Variants in ARMC8 observed in about 807,000 individuals in gnomAD.
ARMC8 encodes the protein armadillo repeat-containing protein 8.
In ARMC8, 20 loss-of-function variants were observed where a neutral mutation model predicts 99.3. That is an observed-to-expected ratio of 0.20 (90% CI 0.14 to 0.29). The LOEUF is 0.29. ARMC8 is among the 10% of genes least tolerant of loss of function. The pLI is 1.00. For synonymous variants in ARMC8, 263 were observed against 278.3 expected (o/e 0.95, Z 0.55); for missense variants, 569 against 809.5 (o/e 0.70, Z 3.60).
Position 138,255,211 on chromosome 3 carries a change from T to G in ARMC8, c.1135-8528T>G, listed in dbSNP as rs867246283. On this transcript the variant is annotated intron_variant, in intron 12 of 21. Coordinates refer to ENST00000469044, the MANE Select transcript of ARMC8 (RefSeq NM_001363941.2). ...GTTCTGTTTTTTTTTTTTTTGTTTT[T>G]TTTTTTTTTGAGATGGAGTCTCGCT... 8.4e-3 allele frequency among the ~76,000 whole-genome samples: 1,241 copies of G among 147,830 alleles called. 10 individuals are homozygous for G. The highest frequency in any genetic ancestry group is 0.023 in the African/African-American group (936 of 40,128).
Position 138,187,455 on chromosome 3 carries a change from C to G in ARMC8, c.-100C>G. The G allele has an allele frequency of 7.9e-7, 1 of 1,273,618 alleles. No individual in the cohort carries two copies. Among genetic ancestry groups the G allele is most frequent in the South Asian group, 1.3e-5 (1 of 77,060 alleles). 78.9% of individuals were successfully genotyped at this position (1,273,618 alleles called of 1,614,324 possible). ...GCGTGGCCAGTTCTCGTCTATCTGG[C>G]TGCCTTTAGGGAGCGGTGCCTAGCG... On this transcript the variant is annotated 5_prime_UTR_variant, in exon 1 of 22. Coordinates refer to ENST00000469044, the MANE Select transcript of ARMC8 (RefSeq NM_001363941.2).
At chr3:138,190,992 TGAA>T (rs2043349817) in intron 1 of ARMC8, among the ~76,000 whole-genome samples, 1 of 152,228 alleles carries the variant, frequency 6.6e-6, no homozygotes, top group Middle Eastern at 3.2e-3. Flanking sequence ...AAGGTTTCCC[TGAA>T]GAAGTGATGC....
At chr3:138,232,671 T>C (rs1333961629) in intron 6 of ARMC8, among the ~76,000 whole-genome samples, 1 of 152,242 alleles carries the variant, frequency 6.6e-6, no homozygotes, top group African/African-American at 2.4e-5. Flanking sequence ...TGTGCTGATA[T>C]GGATGATCTC....
At chr3:138,195,226 C>T (rs930497937) in intron 1 of ARMC8, among the ~76,000 whole-genome samples, 2 of 149,312 alleles carry the variant, frequency 1.3e-5, no homozygotes, top group East Asian at 2.0e-4. Flanking sequence ...TGCAGTGAGC[C>T]GAGATTGCGC....
intron 5 of ARMC8, among the ~76,000 whole-genome samples, chr3:138,224,478 A>G (rs1477915155): frequency 2.0e-5 from 3 of 152,120 alleles, no homozygotes; most frequent in South Asian, 4.1e-4. Context: ...CGCTGGGTAC[A>G]GTGGCTCACG....
At chr3:138,286,894 G>C (rs2050480347) in intron 19 of ARMC8, among the ~76,000 whole-genome samples, 1 of 152,180 alleles carries the variant, frequency 6.6e-6, no homozygotes, top group African/African-American at 2.4e-5. Context: ...CCATGTGGCT[G>C]TCTGATAGCA....
chr3:138,232,523 C>T (rs756052308), intron 6 of ARMC8, among the ~76,000 whole-genome samples: 1 of 152,094 alleles, frequency 6.6e-6, no homozygotes, highest in Non-Finnish European at 1.5e-5. Flanking sequence ...AAAAAAGTTA[C>T]AAGCACATGG....
chr3:138,263,656 G>A, intron 12 of ARMC8, 83 bp from the exon 13 acceptor site: 2 of 1,172,164 alleles, frequency 1.7e-6, no homozygotes, highest in Non-Finnish European at 1.3e-6. Context: ...ACTTTTAATG[G>A]ATGTTAACAT....
chr3:138,217,705 C>T (rs1478561412), intron 2 of ARMC8, among the ~76,000 whole-genome samples: 1 of 152,162 alleles, frequency 6.6e-6, no homozygotes, highest in Non-Finnish European at 1.5e-5. Context: ...ATGTTTGTAA[C>T]ATCTTAATAT....
At chr3:138,279,717 T>C (rs977927867) in intron 18 of ARMC8, among the ~76,000 whole-genome samples, 8 of 152,242 alleles carry the variant, frequency 5.3e-5, no homozygotes, top group African/African-American at 1.9e-4. Context: ...GATTTTTTAA[T>C]AGAAATAGGA....
chr3:138,202,703 A>G (rs1315044732), intron 1 of ARMC8, among the ~76,000 whole-genome samples: 3 of 152,212 alleles, frequency 2.0e-5, no homozygotes, highest in Non-Finnish European at 4.4e-5. Context: ...AAGTCTTCAA[A>G]TGCCAAATTA....
At position 138,298,095 on chromosome 3, in the gene ARMC8, T is replaced by C. The variant is rs1314407737; in HGVS notation, c.*2203T>C. 1 of 152,268 alleles carries C rather than the reference T, an allele frequency of 6.6e-6. No homozygotes were observed. The highest frequency in any genetic ancestry group is 1.5e-5 in the Non-Finnish European group (1 of 68,042). The allele number at this position is 152,268 out of a possible 1,614,324, so 9.4% of individuals were successfully genotyped here. On this transcript the variant is annotated 3_prime_UTR_variant, in exon 22 of 22. Transcript: ENST00000469044. ...TGAAACAAAGCTGTTTGCTGCTTTA[T>C]GCAGGTGCAGTGTTCAGTCAGCAAG...
At chr3:138,244,308 C>T (rs2046776600) in intron 11 of ARMC8, among the ~76,000 whole-genome samples, 1 of 151,978 alleles carries the variant, frequency 6.6e-6, no homozygotes. Flanking sequence ...GATGTAGTCT[C>T]GCTCTGTTGC....
At position 138,263,930 on chromosome 3, in the gene ARMC8, T is replaced by A; in HGVS notation, c.1217+109T>A. On this transcript the variant is annotated intron_variant, in intron 13 of 21. Coordinates refer to ENST00000469044, the MANE Select transcript of ARMC8 (RefSeq NM_001363941.2). ...AGACTACAAATGTTCCTCAAAAATC[T>A]GCTCAGGTGAATTCATAGAGTATAT... 3.6e-6 allele frequency: 4 copies of A among 1,123,902 alleles called. No homozygotes were observed. The South Asian group carries it at 5.0e-5, about 14-fold the overall frequency. 69.6% of individuals were successfully genotyped at this position (1,123,902 alleles called of 1,614,324 possible).
chr3:138,255,511 C>G (rs2047355641), intron 12 of ARMC8, among the ~76,000 whole-genome samples: 1 of 151,732 alleles, frequency 6.6e-6, no homozygotes, highest in South Asian at 2.1e-4. Context: ...CAACATTTTT[C>G]TGTTGACTCA....
At chr3:138,291,081 A>AT (rs1214534016) in intron 21 of ARMC8, among the ~76,000 whole-genome samples, 1 of 152,206 alleles carries the variant, frequency 6.6e-6, no homozygotes, top group Admixed American at 6.5e-5. Flanking sequence ...AGAGCTCATC[A>AT]TTTCCTGGTA....
chr3:138,295,994 A>T lies in ARMC8; in HGVS notation c.*102A>T. On this transcript the variant is annotated 3_prime_UTR_variant, in exon 22 of 22. Transcript: ENST00000469044. Reference sequence around the variant, plus strand: ...CTTCTATTTGCACAAGTCACCTTGGACTGCAGGGAGCTGTTTTGCAAAAGC... The same window carrying T: ...CTTCTATTTGCACAAGTCACCTTGGTCTGCAGGGAGCTGTTTTGCAAAAGC... 1.5e-6 allele frequency: 2 copies of T among 1,297,742 alleles called. No homozygotes were observed. Among genetic ancestry groups the T allele is most frequent in the Non-Finnish European group, 2.1e-6 (2 of 932,646 alleles). The allele number at this position is 1,297,742 out of a possible 1,614,324, so 80.4% of individuals were successfully genotyped here. A position where few individuals can be genotyped will look rare whatever the true frequency, so the allele number is the denominator to read the frequency against.
At chr3:138,246,051 G>C (rs1023363755) in intron 12 of ARMC8, 15 of 985,236 alleles carry the variant, frequency 1.5e-5, no homozygotes, top group Non-Finnish European at 2.4e-6. Flanking sequence ...ATTTTAAGGA[G>C]CACTGTGAGA....
rs572583061 is a variant in ARMC8, at chr3:138,280,307, CTTA to C, written c.1726-4107_1726-4105del. ...GTTTTTGGTTTCATTGATTTTCCCA[CTTA>C]TTATTATTATTATTATATATATTTT... On this transcript the variant is annotated intron_variant, in intron 18 of 21. Coordinates refer to ENST00000469044, the MANE Select transcript of ARMC8 (RefSeq NM_001363941.2). Among the ~76,000 whole-genome samples, 4 of 150,430 alleles carry C rather than the reference CTTA, an allele frequency of 2.7e-5. No individual in the cohort carries two copies. In the East Asian group the frequency reaches 7.8e-4, roughly 30 times the overall value.
Sources: gnomAD v4.1 joint callset for allele counts (sites outside exome capture counted in the v4.1 genomes callset) on GRCh38, gnomAD v4.1.1 for gene constraint, MANE v1.5 for transcripts, NCBI Gene and HGNC (gene_info 2026-07-23, HGNC 2026-07-21) for gene names.